The following EYS variants were observed in gnomAD, a reference collection of about 807,000 sequenced individuals.
EYS encodes protein eyes shut homolog.
A neutral mutation model predicts 282.1 loss-of-function variants in EYS; 250 were observed. The observed-to-expected ratio is 0.89, with a 90% CI of 0.80 to 0.98. The LOEUF (loss-of-function observed/expected upper bound fraction) is 0.98. EYS is among the 50% of genes least tolerant of loss of function. The pLI is 0.00. For missense variants in EYS, 4,016 were observed against 3,709.0 expected, an observed-to-expected ratio of 1.08 and a Z score of -2.15; for synonymous variants, 1,355 against 1,282.9, an observed-to-expected ratio of 1.06 and a Z score of -1.20.
chr6:65,491,750 G>A (rs528219288), intron 4 of EYS, among the ~76,000 whole-genome samples: 10 of 152,094 alleles, frequency 6.6e-5, no homozygotes, highest in South Asian at 4.2e-4. Flanking sequence ...CCCACCCACC[G>A]CCGCCAAATT....
At chr6:65,568,953 A>C (rs1764380080) in intron 2 of EYS, among the ~76,000 whole-genome samples, 1 of 152,178 alleles carries the variant, frequency 6.6e-6, no homozygotes, top group Non-Finnish European at 1.5e-5. Context: ...ATCCCTGGGC[A>C]TAGGCCAAAC....
rs184640991 is a variant in EYS, at chr6:64,499,683, G to A, written c.5645-60331C>T. ...GTACTTAAAGCTCTTAGTACCTCCT[G>A]CAAATCCACCTGGCCTCAGAGTGCT... On this transcript the variant is annotated intron_variant, in intron 26 of 42. Coordinates refer to ENST00000503581, the MANE Select transcript of EYS (RefSeq NM_001142800.2). Among the ~76,000 whole-genome samples, 1,264 of 152,004 alleles carry A rather than the reference G, an allele frequency of 8.3e-3. 61 individuals carry two copies. Among genetic ancestry groups the A allele is most frequent in the Admixed American group, 0.078 (1,183 of 15,252 alleles).
intron 30 of EYS, among the ~76,000 whole-genome samples, chr6:64,300,269 AGGGGCC>A (rs1769188032): frequency 6.6e-6 from 1 of 152,132 alleles, no homozygotes; most frequent in South Asian, 2.1e-4. Flanking sequence ...CCAGGCCGAC[AGGGGCC>A]GCGGCAGGGG....
At chr6:63,910,386 C>T (rs7773912) in intron 35 of EYS, among the ~76,000 whole-genome samples, 2 of 151,874 alleles carry the variant, frequency 1.3e-5, no homozygotes, top group African/African-American at 2.4e-5. Flanking sequence ...CAGACACAGG[C>T]GATTCTGATT....
At chr6:64,101,191 C>T (rs1287603015) in intron 31 of EYS, among the ~76,000 whole-genome samples, 1 of 149,468 alleles carries the variant, frequency 6.7e-6, no homozygotes, top group Non-Finnish European at 1.5e-5. Flanking sequence ...TTATTTTGTC[C>T]AACATTTTAA....
At chr6:65,219,146 T>C (rs1766394145) in intron 12 of EYS, among the ~76,000 whole-genome samples, 1 of 152,164 alleles carries the variant, frequency 6.6e-6, no homozygotes. Flanking sequence ...TAGGTTTATA[T>C]GGCATTTAAA....
intron 12 of EYS, among the ~76,000 whole-genome samples, chr6:65,224,552 A>G (rs1766566490): frequency 6.6e-6 from 1 of 152,090 alleles, no homozygotes; most frequent in Admixed American, 6.6e-5. Context: ...AAAATAATAA[A>G]GATTAGAGTG....
intron 30 of EYS, among the ~76,000 whole-genome samples, chr6:64,282,240 A>G (rs1426749433): frequency 2.0e-5 from 3 of 152,156 alleles, no homozygotes; most frequent in African/African-American, 7.2e-5. Flanking sequence ...TAATAAACTA[A>G]TAATCATTCT....
intron 29 of EYS, among the ~76,000 whole-genome samples, chr6:64,327,913 C>A (rs6922034): frequency 2.6e-5 from 4 of 152,212 alleles, no homozygotes; most frequent in African/African-American, 9.6e-5. Flanking sequence ...GGAGCCAGAG[C>A]CCTTGCCTGA....
At chr6:64,628,175 T>C (rs905481236) in intron 22 of EYS, among the ~76,000 whole-genome samples, 8 of 152,002 alleles carry the variant, frequency 5.3e-5, no homozygotes, top group Admixed American at 1.3e-4. Context: ...GAAGATGACA[T>C]CTTCAGTATT....
intron 26 of EYS, among the ~76,000 whole-genome samples, chr6:64,444,837 T>G (rs1775067679): frequency 6.6e-6 from 1 of 152,216 alleles, no homozygotes; most frequent in African/African-American, 2.4e-5. Flanking sequence ...GATATATGGC[T>G]GTTTAAAAGA....
chr6:65,146,618 G>A (rs914888096), intron 12 of EYS, among the ~76,000 whole-genome samples: 2 of 151,850 alleles, frequency 1.3e-5, no homozygotes, highest in African/African-American at 4.8e-5. Flanking sequence ...TATTATCCTA[G>A]TGTTTTCTTT....
chr6:63,855,193 T>G (rs1232689262), intron 36 of EYS, among the ~76,000 whole-genome samples: 1 of 152,226 alleles, frequency 6.6e-6, no homozygotes, highest in Non-Finnish European at 1.5e-5. Context: ...AAGTCAGAGA[T>G]TCCAGATCTG....
At chr6:64,430,199 T>C (rs1561990648) in intron 28 of EYS, among the ~76,000 whole-genome samples, 1 of 152,176 alleles carries the variant, frequency 6.6e-6, no homozygotes, top group Non-Finnish European at 1.5e-5. Flanking sequence ...TTCCAATTGT[T>C]ACTAAAATTT....
At chr6:65,456,600 G>T (rs1764627217) in intron 5 of EYS, among the ~76,000 whole-genome samples, 1 of 151,638 alleles carries the variant, frequency 6.6e-6, no homozygotes, top group Admixed American at 6.6e-5. Flanking sequence ...ATGCAATGAG[G>T]GTTTAATTTA....
intron 1 of EYS, among the ~76,000 whole-genome samples, chr6:65,672,481 A>C (rs867848701): frequency 1.3e-5 from 2 of 152,136 alleles, no homozygotes; most frequent in East Asian, 1.9e-4. Flanking sequence ...TTCAAGAAAA[A>C]CTTTCCCTGT....
chr6:65,627,893 A>G (rs1766771961), intron 2 of EYS, among the ~76,000 whole-genome samples: 1 of 152,206 alleles, frequency 6.6e-6, no homozygotes. Context: ...TACGGCGCCC[A>G]GTCCCATCGA....
At chr6:64,342,639 AG>A (rs1305381564) in intron 29 of EYS, among the ~76,000 whole-genome samples, 1 of 152,138 alleles carries the variant, frequency 6.6e-6, no homozygotes, top group African/African-American at 2.4e-5. Context: ...CATAAAGGCT[AG>A]GAAGAAACTG....
intron 14 of EYS, among the ~76,000 whole-genome samples, chr6:64,958,403 A>G (rs1769790183): frequency 6.6e-6 from 1 of 151,402 alleles, no homozygotes; most frequent in Non-Finnish European, 1.5e-5. Context: ...AAAACAAAAC[A>G]AACAAATTTA....
Sources: allele counts gnomAD v4.1 joint callset (sites outside exome capture counted in the v4.1 genomes callset), GRCh38; gene constraint gnomAD v4.1.1; transcripts MANE v1.5; gene names NCBI Gene and HGNC (gene_info 2026-07-23, HGNC 2026-07-21).